Variants in RPS6KC1 observed in about 807,000 individuals in gnomAD.
The protein encoded by RPS6KC1 is inactive ribosomal protein S6 kinase delta-1.
Under a neutral mutation model 103.8 loss-of-function variants are expected in RPS6KC1, and 54 were observed. The ratio of observed to expected loss-of-function variants is 0.52; its 90% CI spans 0.42 to 0.65. The LOEUF (loss-of-function observed/expected upper bound fraction) is 0.65. Ranked by LOEUF, RPS6KC1 falls within the 30% of genes least tolerant of loss-of-function variation. The pLI is 0.00. For missense variants in RPS6KC1, 1,151 were observed against 1,253.8 expected, an observed-to-expected ratio of 0.92 and a Z score of 1.24; for synonymous variants, 439 against 438.7, an observed-to-expected ratio of 1.00 and a Z score of -0.01.
In RPS6KC1 at chr1:213,167,902, G is replaced by A; in HGVS notation, c.880G>A (p.Ala294Thr). The change falls in exon 7 of 15, where the codon GCC (alanine) becomes ACC (threonine). Residue 294 changes from alanine (A) to threonine (T), a missense_variant. Physicochemically the swap from Ala to Thr is moderately conservative, Grantham distance 58. Coordinates refer to ENST00000366960, the MANE Select transcript of RPS6KC1 (RefSeq NM_012424.6). ...TRREAVKRRT[A>T]EYLMRAESIS... ...TCGAGAAGCTGTGAAGAGAAGAACA[G>A]CCGAGTACCTCATGCGGGCAGAAAG... The A allele has an allele frequency of 6.2e-7, 1 of 1,613,808 alleles. No homozygotes were observed. Among genetic ancestry groups the A allele is most frequent in the South Asian group, 1.1e-5 (1 of 91,020 alleles).
At chr1:213,567,073 G>A in the RPS6KC1 span, among the ~76,000 whole-genome samples, 6 of 152,188 alleles carry the variant, frequency 3.9e-5, no homozygotes, top group Admixed American at 3.3e-4. Context: ...TTTTTATCAG[G>A]CACATCAAGG....
At chr1:213,442,947 C>T in the RPS6KC1 span, among the ~76,000 whole-genome samples, 3 of 151,826 alleles carry the variant, frequency 2.0e-5, no homozygotes, top group African/African-American at 7.3e-5. Context: ...CCACTGGACT[C>T]CTTTCTCAGG....
the RPS6KC1 span, among the ~76,000 whole-genome samples, chr1:213,797,608 C>T: frequency 6.6e-6 from 1 of 152,208 alleles, no homozygotes; most frequent in South Asian, 2.1e-4. Context: ...TACAACTTTC[C>T]AGTGCCTATG....
At chr1:213,318,031 C>T in the RPS6KC1 span, among the ~76,000 whole-genome samples, 1 of 152,376 alleles carries the variant, frequency 6.6e-6, no homozygotes, top group South Asian at 2.1e-4. Flanking sequence ...AGCTTTGTGC[C>T]TACCTGGGGG....
At chr1:213,073,413 A>G (rs911911692) in intron 2 of RPS6KC1, among the ~76,000 whole-genome samples, 5 of 152,218 alleles carry the variant, frequency 3.3e-5, no homozygotes, top group South Asian at 2.1e-4. Context: ...TAAGAATGCT[A>G]AAAGATCTGT....
the RPS6KC1 span, among the ~76,000 whole-genome samples, chr1:213,584,938 C>T: frequency 6.6e-6 from 1 of 152,114 alleles, no homozygotes; most frequent in Non-Finnish European, 1.5e-5. Flanking sequence ...TATAGACAAA[C>T]AGAAAGTGGG....
the RPS6KC1 span, among the ~76,000 whole-genome samples, chr1:213,804,396 C>T: frequency 3.3e-4 from 50 of 151,784 alleles, no homozygotes; most frequent in Non-Finnish European, 4.7e-4. Flanking sequence ...TCCAAGGCCT[C>T]CTTTCTATTC....
the RPS6KC1 span, among the ~76,000 whole-genome samples, chr1:213,370,282 A>ATTTTAT: frequency 3.2e-4 from 47 of 149,156 alleles, no homozygotes; most frequent in Non-Finnish European, 5.2e-4. Context: ...ATTTTATTTT[A>ATTTTAT]TTTTTTTTGC....
the RPS6KC1 span, among the ~76,000 whole-genome samples, chr1:213,761,528 C>A: frequency 6.6e-6 from 1 of 152,136 alleles, no homozygotes; most frequent in Non-Finnish European, 1.5e-5. Context: ...CATAATTGTC[C>A]TGTTGACATT....
chr1:213,505,080 G>A, the RPS6KC1 span, among the ~76,000 whole-genome samples: 1 of 152,024 alleles, frequency 6.6e-6, no homozygotes, highest in African/African-American at 2.4e-5. Context: ...CCTAGCCTGT[G>A]GGGCTTCGTT....
the RPS6KC1 span, among the ~76,000 whole-genome samples, chr1:213,851,369 G>C: frequency 6.6e-6 from 1 of 151,968 alleles, no homozygotes; most frequent in Non-Finnish European, 1.5e-5. Context: ...CTTCAATCTA[G>C]ATTTAAATCT....
chr1:213,066,926 A>T (rs114595438), intron 1 of RPS6KC1, among the ~76,000 whole-genome samples: 2 of 152,198 alleles, frequency 1.3e-5, no homozygotes. Flanking sequence ...CTTAGGGCCA[A>T]CCTGCCTCCC....
chr1:213,766,632 G>T, the RPS6KC1 span, among the ~76,000 whole-genome samples: 1 of 152,144 alleles, frequency 6.6e-6, no homozygotes, highest in South Asian at 2.1e-4. Flanking sequence ...TCTCCTTACT[G>T]TCTCTTTTGC....
chr1:213,505,930 T>TGA, the RPS6KC1 span, among the ~76,000 whole-genome samples: 1,917 of 151,990 alleles, frequency 0.013, 30 homozygotes, highest in Non-Finnish European at 0.018. Flanking sequence ...GGAGAGAGAG[T>TGA]GAGAGAGAGA....
the RPS6KC1 span, among the ~76,000 whole-genome samples, chr1:213,795,596 C>G: frequency 6.6e-6 from 1 of 152,128 alleles, no homozygotes; most frequent in Non-Finnish European, 1.5e-5. Flanking sequence ...CTGGCTCCAA[C>G]AAAATCACTC....
the RPS6KC1 span, among the ~76,000 whole-genome samples, chr1:213,780,686 G>A: frequency 6.6e-6 from 1 of 152,152 alleles, no homozygotes; most frequent in African/African-American, 2.4e-5. Context: ...TGAAACCTGA[G>A]AGATGGCACT....
the RPS6KC1 span, among the ~76,000 whole-genome samples, chr1:213,852,503 C>G: frequency 6.6e-6 from 1 of 151,918 alleles, no homozygotes; most frequent in Non-Finnish European, 1.5e-5. Context: ...TCTTTTTTTG[C>G]AGTCTGGCAT....
chr1:213,377,313 A>G, the RPS6KC1 span, among the ~76,000 whole-genome samples: 2 of 152,208 alleles, frequency 1.3e-5, no homozygotes, highest in African/African-American at 2.4e-5. Flanking sequence ...AGTAAAAATC[A>G]TGACCTACTC....
the RPS6KC1 span, among the ~76,000 whole-genome samples, chr1:213,839,513 A>T: frequency 2.6e-5 from 4 of 152,190 alleles, no homozygotes; most frequent in African/African-American, 9.7e-5. Context: ...TAAGTTCATT[A>T]TGGGTTCTCA....
Sources: allele counts gnomAD v4.1 joint callset (sites outside exome capture counted in the v4.1 genomes callset), GRCh38; gene constraint gnomAD v4.1.1; transcripts MANE v1.5; gene names NCBI Gene and HGNC (gene_info 2026-07-23, HGNC 2026-07-21).